The following BACH2 variants were observed in gnomAD, a reference collection of about 807,000 sequenced individuals.
BACH2 encodes the protein transcription regulator protein BACH2.
In BACH2, 5 loss-of-function variants were observed where a neutral mutation model predicts 61.8. The observed-to-expected ratio is 0.08, with a 90% CI of 0.04 to 0.17. The LOEUF is 0.17. Among genes scored for constraint, BACH2 ranks in the 10% least tolerant of loss-of-function variants. The pLI, the probability that BACH2 is intolerant of heterozygous loss-of-function variation, is 1.00. For synonymous variants in BACH2, 446 were observed against 440.1 expected, an observed-to-expected ratio of 1.01 and a Z score of -0.17; for missense variants, 824 against 1,091.1, an observed-to-expected ratio of 0.76 and a Z score of 3.45.
intron 5 of BACH2, among the ~76,000 whole-genome samples, chr6:90,009,726 C>T (rs867358689): frequency 2.0e-5 from 3 of 152,224 alleles, no homozygotes; most frequent in Middle Eastern, 6.8e-3. Flanking sequence ...TGCAATGGTG[C>T]GATTCTCAGC....
intron 5 of BACH2, among the ~76,000 whole-genome samples, chr6:90,046,686 T>C (rs1021042015): frequency 6.6e-6 from 1 of 152,066 alleles, no homozygotes; most frequent in African/African-American, 2.4e-5. Context: ...CACTGGAGAG[T>C]TGATTCCATG....
chr6:90,217,307 C>T (rs1355625735), intron 3 of BACH2, among the ~76,000 whole-genome samples: 3 of 152,000 alleles, frequency 2.0e-5, no homozygotes, highest in Non-Finnish European at 1.5e-5. Context: ...TCACTAAAAC[C>T]GTCTAAATAA....
chr6:90,116,507 G>C (rs941347724), intron 4 of BACH2, among the ~76,000 whole-genome samples: 23 of 152,110 alleles, frequency 1.5e-4, no homozygotes, highest in Admixed American at 6.6e-5. Flanking sequence ...AGGAGGGTGG[G>C]AGAGAAAGTA....
At chr6:90,167,585 T>G (rs925004256) in intron 4 of BACH2, among the ~76,000 whole-genome samples, 1 of 152,220 alleles carries the variant, frequency 6.6e-6, no homozygotes, top group African/African-American at 2.4e-5. Context: ...CTCAAACACC[T>G]GACCTCAAGT....
intron 4 of BACH2, among the ~76,000 whole-genome samples, chr6:90,172,559 C>A (rs1767852719): frequency 1.3e-5 from 2 of 151,326 alleles, no homozygotes; most frequent in African/African-American, 4.9e-5. Context: ...AGAAGACCAT[C>A]ATAAAAAAAG....
intron 1 of BACH2, among the ~76,000 whole-genome samples, chr6:90,283,668 C>T (rs1190733161): frequency 6.6e-6 from 1 of 152,176 alleles, no homozygotes; most frequent in Non-Finnish European, 1.5e-5. Flanking sequence ...AGCCACCACA[C>T]CCGGCCTCCT....
intron 2 of BACH2, among the ~76,000 whole-genome samples, chr6:90,270,513 C>G (rs1771484628): frequency 6.6e-6 from 1 of 152,130 alleles, no homozygotes; most frequent in East Asian, 1.9e-4. Context: ...TAGGAATACA[C>G]CTAACCAAGG....
In BACH2 at chr6:89,951,665, A is replaced by G. The variant is rs1774132114; in HGVS notation, c.441T>C (p.Ala147=). The change falls in exon 7 of 9, where the codon GCT becomes GCC. Residue 147 remains alanine (A), a synonymous_variant. Transcript: ENST00000257749. The surrounding 1 kb of genome is among the most constrained non-coding windows in gnomAD (Gnocchi z 6.4). ...AGTCCTCGTGTGGGCGCTGGCACGCAGCATCCTTCCGGCACACAAACAGGC... is the reference window on the plus strand; with the variant it reads ...AGTCCTCGTGTGGGCGCTGGCACGCGGCATCCTTCCGGCACACAAACAGGC... ...EDGLFVCRKD[A]ACQRPHEDCE... The G allele has an allele frequency of 1.2e-6, 2 of 1,614,198 alleles. No individual in the cohort carries two copies. Among genetic ancestry groups the G allele is most frequent in the African/African-American group, 1.3e-5 (1 of 75,060 alleles).
rs575647029 is a variant in BACH2, at chr6:90,069,890, T to C, written c.-13+19071A>G. ...GTGACAGGGAAGCAGGAGAGGAATG[T>C]GAGCATGAGGTCAGGTCTGGGGGCA... On this transcript the variant is annotated intron_variant, in intron 5 of 8. Transcript: ENST00000257749. Among the ~76,000 whole-genome samples the C allele has an allele frequency of 1.4e-4, 21 of 152,214 alleles. No individual in the cohort carries two copies. The South Asian group carries it at 2.3e-3, about 17-fold the overall frequency.
At chr6:90,180,783 G>A (rs1768131091) in intron 4 of BACH2, among the ~76,000 whole-genome samples, 1 of 151,570 alleles carries the variant, frequency 6.6e-6, no homozygotes, top group South Asian at 2.1e-4. Flanking sequence ...CCAGTCCAAT[G>A]GAATGGAATG....
At chr6:90,112,264 T>G (rs1456277844) in intron 4 of BACH2, among the ~76,000 whole-genome samples, 1 of 152,116 alleles carries the variant, frequency 6.6e-6, no homozygotes, top group African/African-American at 2.4e-5. Context: ...CCTGCAAGAT[T>G]GTACACAAAA....
At chr6:90,124,444 C>A (rs1399188197) in intron 4 of BACH2, among the ~76,000 whole-genome samples, 1 of 152,204 alleles carries the variant, frequency 6.6e-6, no homozygotes, top group Admixed American at 6.5e-5. Flanking sequence ...GGTCCACAGA[C>A]CAGCAGCATT....
intron 3 of BACH2, among the ~76,000 whole-genome samples, chr6:90,247,473 C>T (rs1474984559): frequency 6.6e-6 from 1 of 151,870 alleles, no homozygotes; most frequent in Non-Finnish European, 1.5e-5. Context: ...AAGCAATCCT[C>T]CCACCTCAAT....
intron 5 of BACH2, among the ~76,000 whole-genome samples, chr6:90,069,274 C>T (rs976982671): frequency 6.6e-6 from 1 of 152,176 alleles, no homozygotes; most frequent in African/African-American, 2.4e-5. Flanking sequence ...ATGCCTGTAT[C>T]CGGATGGCAG....
At chr6:90,268,272 C>G (rs1284646597) in intron 2 of BACH2, among the ~76,000 whole-genome samples, 1 of 152,134 alleles carries the variant, frequency 6.6e-6, no homozygotes, top group Non-Finnish European at 1.5e-5. Flanking sequence ...TCCCAAAGTG[C>G]TGGGATTACA....
chr6:90,046,008 G>T (rs1046060037), intron 5 of BACH2, among the ~76,000 whole-genome samples: 2 of 151,934 alleles, frequency 1.3e-5, no homozygotes, highest in African/African-American at 2.4e-5. Flanking sequence ...TATGATCAAA[G>T]ATATTCCTCT....
chr6:90,204,150 A>T (rs973972337), intron 4 of BACH2, among the ~76,000 whole-genome samples: 1 of 152,112 alleles, frequency 6.6e-6, no homozygotes, highest in Non-Finnish European at 1.5e-5. Context: ...CTCCATCCGA[A>T]CACCTCCCTA....
At position 89,950,266 on chromosome 6, in the gene BACH2, C is replaced by G; in HGVS notation, c.1836+4G>C. ...ACATGCTTGAATTTATGTGGGTTCC[C>G]TACCTCCTGGCCCCTGTCCTGCACA... On this transcript the variant is annotated splice_donor_region_variant and intron_variant, in intron 7 of 8. Transcript: ENST00000257749. The surrounding 1 kb of genome is among the most constrained non-coding windows in gnomAD (Gnocchi z 5.3). 1 of 1,614,108 alleles carries G rather than the reference C, an allele frequency of 6.2e-7. No individual in the cohort carries two copies. Among genetic ancestry groups the G allele is most frequent in the East Asian group, 2.2e-5 (1 of 44,870 alleles).
At chr6:90,025,873 A>G (rs1778609343) in intron 5 of BACH2, among the ~76,000 whole-genome samples, 1 of 152,234 alleles carries the variant, frequency 6.6e-6, no homozygotes. Context: ...GAGAAATGAC[A>G]TGCAAAGTGC....
Sources: gnomAD v4.1 joint callset for allele counts (sites outside exome capture counted in the v4.1 genomes callset) on GRCh38, gnomAD v4.1.1 for gene constraint, Gnocchi (gnomAD v3.1) non-coding constraint, MANE v1.5 for transcripts, NCBI Gene and HGNC (gene_info 2026-07-23, HGNC 2026-07-21) for gene names.